Variants in MCTP1 observed in about 807,000 individuals in gnomAD.
MCTP1 encodes the protein multiple C2 and transmembrane domain containing 1.
MCTP1 carries 69 observed loss-of-function variants against 120.6 expected under a neutral mutation model. The observed-to-expected ratio is 0.57, with a 90% CI of 0.47 to 0.70. The LOEUF (loss-of-function observed/expected upper bound fraction) is 0.70, where lower values mean the gene tolerates loss of function less well. MCTP1 is among the 30% of genes least tolerant of loss of function. The pLI is 0.00. For synonymous variants in MCTP1, 529 were observed against 493.1 expected, an observed-to-expected ratio of 1.07 and a Z score of -0.96; for missense variants, 1,203 against 1,248.8, an observed-to-expected ratio of 0.96 and a Z score of 0.55.
At chr5:94,931,435 G>T (rs1814649077) in intron 6 of MCTP1, 1 of 152,242 alleles carries the variant, frequency 6.6e-6, no homozygotes. Flanking sequence ...AAGAGCCAGG[G>T]CTTAGTAAGT....
intron 2 of MCTP1, among the ~76,000 whole-genome samples, chr5:94,994,986 C>T (rs1832330331): frequency 6.6e-6 from 1 of 152,180 alleles, no homozygotes; most frequent in Admixed American, 6.5e-5. Context: ...CTGAAGACTG[C>T]ACTATCGGCT....
chr5:94,806,956 T>C (rs1293584038), intron 17 of MCTP1, among the ~76,000 whole-genome samples: 1 of 152,170 alleles, frequency 6.6e-6, no homozygotes, highest in Non-Finnish European at 1.5e-5. Flanking sequence ...TTTTAGAAAA[T>C]CCTTTTCCTT....
At chr5:94,882,384 C>G (rs1323542555) in intron 12 of MCTP1, among the ~76,000 whole-genome samples, 2 of 152,008 alleles carry the variant, frequency 1.3e-5, no homozygotes, top group African/African-American at 4.8e-5. Flanking sequence ...ACGAGTCCAA[C>G]TATACTATCG....
At chr5:95,023,445 A>G (rs1036568435) in intron 1 of MCTP1, among the ~76,000 whole-genome samples, 2 of 152,244 alleles carry the variant, frequency 1.3e-5, no homozygotes, top group Non-Finnish European at 2.9e-5. Context: ...TTGCCAACTG[A>G]CAAGATGTGG....
At chr5:95,081,910 A>G in intron 1 of MCTP1, 3 of 809,802 alleles carry the variant, frequency 3.7e-6, no homozygotes, top group Non-Finnish European at 4.5e-6. Context: ...CACTGCACAA[A>G]GAAAACTATT....
In MCTP1 at chr5:94,855,730, A is replaced by G. The variant is rs969610026; in HGVS notation, c.2436+12603T>C. ...TATTATCTATGTGAACAAAACCATG[A>G]CGTAATCGTGACTTAATGGCTTGTT... On this transcript the variant is annotated intron_variant, in intron 17 of 22. Transcript: ENST00000515393. Among the ~76,000 whole-genome samples, 5 of 151,742 alleles carry G rather than the reference A, an allele frequency of 3.3e-5. No individual in the cohort carries two copies. The South Asian group carries it at 6.2e-4, about 19-fold the overall frequency.
intron 1 of MCTP1, among the ~76,000 whole-genome samples, chr5:95,117,390 C>CAAAAAAAA (rs34952779): frequency 1.5e-5 from 1 of 66,104 alleles, no homozygotes; most frequent in African/African-American, 6.4e-5. Context: ...GACTCCGTCT[C>CAAAAAAAA]AAAAAAAAAA....
At chr5:94,957,686 A>G (rs749627530) in intron 2 of MCTP1, among the ~76,000 whole-genome samples, 14 of 152,204 alleles carry the variant, frequency 9.2e-5, no homozygotes, top group Non-Finnish European at 1.3e-4. Context: ...GAATTACCTA[A>G]TGGCAAAGGG....
At chr5:94,713,216 C>CT (rs757720673) in intron 20 of MCTP1, among the ~76,000 whole-genome samples, 41 of 151,920 alleles carry the variant, frequency 2.7e-4, no homozygotes, top group East Asian at 9.7e-4. Context: ...AGGAGAATTT[C>CT]TTTTTTTTAG....
chr5:94,865,134 G>A (rs1426286803), intron 17 of MCTP1, among the ~76,000 whole-genome samples: 2 of 151,730 alleles, frequency 1.3e-5, no homozygotes, highest in Non-Finnish European at 2.9e-5. Context: ...TCACCTTCCA[G>A]ACCAATGCCT....
chr5:94,975,015 C>A (rs1581654649), intron 2 of MCTP1, among the ~76,000 whole-genome samples: 1 of 152,266 alleles, frequency 6.6e-6, no homozygotes, highest in East Asian at 1.9e-4. Context: ...TCAATTCATT[C>A]TCCAAAATCT....
intron 19 of MCTP1, among the ~76,000 whole-genome samples, chr5:94,768,168 C>G (rs954300043): frequency 1.3e-5 from 2 of 152,078 alleles, no homozygotes; most frequent in African/African-American, 2.4e-5. Context: ...ACACTCTCTT[C>G]AATAAATGGG....
chr5:94,966,071 A>G (rs1825515884), intron 2 of MCTP1, among the ~76,000 whole-genome samples: 1 of 152,228 alleles, frequency 6.6e-6, no homozygotes, highest in South Asian at 2.1e-4. Flanking sequence ...ACAATCCTCA[A>G]ACTGACTTTG....
At chr5:95,175,943 C>T (rs1426642737) in intron 1 of MCTP1, among the ~76,000 whole-genome samples, 1 of 152,112 alleles carries the variant, frequency 6.6e-6, no homozygotes, top group Non-Finnish European at 1.5e-5. Context: ...TCCAGAAGTG[C>T]TAGCAGAATA....
intron 1 of MCTP1, among the ~76,000 whole-genome samples, chr5:95,170,518 T>A (rs1747111585): frequency 6.6e-6 from 1 of 152,294 alleles, no homozygotes; most frequent in East Asian, 1.9e-4. Context: ...GGTGTTAAAG[T>A]CTCCCATTAT....
intron 1 of MCTP1, among the ~76,000 whole-genome samples, chr5:95,048,503 A>C (rs758397383): frequency 6.6e-6 from 1 of 152,176 alleles, no homozygotes; most frequent in African/African-American, 2.4e-5. Context: ...GAAAGATGAG[A>C]AGCTACTAAA....
intron 1 of MCTP1, among the ~76,000 whole-genome samples, chr5:95,156,839 C>A (rs1240388886): frequency 6.6e-6 from 1 of 152,150 alleles, no homozygotes; most frequent in Non-Finnish European, 1.5e-5. Context: ...AATTTTAAAA[C>A]TAAATATTTC....
intron 1 of MCTP1, among the ~76,000 whole-genome samples, chr5:95,086,831 T>C (rs1041321149): frequency 1.3e-5 from 2 of 152,212 alleles, no homozygotes; most frequent in African/African-American, 4.8e-5. Flanking sequence ...TCCTAACAAA[T>C]GGTGCATATA....
chr5:94,728,152 T>A (rs190200006), intron 19 of MCTP1, among the ~76,000 whole-genome samples: 1 of 152,306 alleles, frequency 6.6e-6, no homozygotes. Flanking sequence ...TTATTCAGCT[T>A]ATGATAACGT....
Sources: allele counts gnomAD v4.1 joint callset (sites outside exome capture counted in the v4.1 genomes callset), GRCh38; gene constraint gnomAD v4.1.1; transcripts MANE v1.5; gene names NCBI Gene and HGNC (gene_info 2026-07-23, HGNC 2026-07-21).